CA10: variants seen among roughly 807,000 people sequenced by gnomAD.
The protein encoded by CA10 is carbonic anhydrase-related protein 10.
A neutral mutation model predicts 44.2 loss-of-function variants in CA10; 14 were observed. The observed-to-expected ratio is 0.32, with a 90% CI of 0.21 to 0.50. CA10 has a LOEUF of 0.50. Ranked by LOEUF, CA10 falls within the 20% of genes least tolerant of loss-of-function variation. The pLI is 0.99. For synonymous variants in CA10, 159 were observed against 141.6 expected (o/e 1.12, Z -0.87); for missense variants, 350 against 409.7 (o/e 0.85, Z 1.26).
intron 2 of CA10, among the ~76,000 whole-genome samples, chr17:51,956,169 A>G (rs1983658863): frequency 1.4e-4 from 1 of 6,934 alleles, no homozygotes. Context: ...CATTTGATTC[A>G]GATTTTTTTT....
At chr17:51,902,378 T>A (rs562085332) in intron 3 of CA10, among the ~76,000 whole-genome samples, 2 of 152,210 alleles carry the variant, frequency 1.3e-5, no homozygotes, top group African/African-American at 4.8e-5. Context: ...TCAGGTGTCA[T>A]GATGATTTAT....
chr17:51,780,744 T>C (rs1260590912), intron 3 of CA10, among the ~76,000 whole-genome samples: 2 of 152,164 alleles, frequency 1.3e-5, no homozygotes, highest in African/African-American at 4.8e-5. Flanking sequence ...AAAAGTCAAA[T>C]CTTATTATGT....
Position 51,971,569 on chromosome 17 carries a change from C to G in CA10, c.137-40437G>C, listed in dbSNP as rs562215337. ...AAAATTATTACTTGCTTAATCAGGA[C>G]TTGTGCTATTTCAGATAACATTAAT... On this transcript the variant is annotated intron_variant, in intron 2 of 8. Transcript: ENST00000451037. 1.0e-4 allele frequency among the ~76,000 whole-genome samples: 15 copies of G among 149,232 alleles called. No homozygotes were observed. The South Asian group carries it at 3.0e-3, about 30-fold the overall frequency.
rs115790152 is a variant in CA10, at chr17:51,697,333, A to G, written c.466-43597T>C. On this transcript the variant is annotated intron_variant, in intron 4 of 8. Transcript: ENST00000451037. ...CCCTACAGCACATTTCTTTCCAGCT[A>G]CCTTAGTTTCTTAGTCATTCCTCAA... Among the ~76,000 whole-genome samples, 763 of 152,252 alleles carry G rather than the reference A, an allele frequency of 5.0e-3. 10 individuals are homozygous for G. The highest frequency in any genetic ancestry group is 0.017 in the African/African-American group (723 of 41,548).
chr17:52,122,626 T>C (rs1461372726), intron 1 of CA10, among the ~76,000 whole-genome samples: 1 of 152,212 alleles, frequency 6.6e-6, no homozygotes, highest in Non-Finnish European at 1.5e-5. Context: ...ACAAGTATTG[T>C]CTTCTGATAT....
chr17:52,129,025 A>C (rs1246368487), intron 1 of CA10, among the ~76,000 whole-genome samples: 1 of 152,124 alleles, frequency 6.6e-6, no homozygotes, highest in African/African-American at 2.4e-5. Flanking sequence ...AACATATAAC[A>C]AACACTGTAA....
chr17:51,631,446 T>G lies in CA10; in HGVS notation c.*138A>C. 2 of 820,838 alleles carry G rather than the reference T, an allele frequency of 2.4e-6. No homozygotes were observed. The highest frequency in any genetic ancestry group is 4.2e-6 in the Non-Finnish European group (2 of 480,418). The allele number at this position is 820,838 out of a possible 1,614,324, so 50.8% of individuals were successfully genotyped here. ...GCCATGGTTTTGCAGACACTTTTCATGAAGAAAGGGCCAATCCCAAGAATG... is the reference window on the plus strand; with the variant it reads ...GCCATGGTTTTGCAGACACTTTTCAGGAAGAAAGGGCCAATCCCAAGAATG... On this transcript the variant is annotated 3_prime_UTR_variant, in exon 9 of 9. Coordinates refer to ENST00000451037, the MANE Select transcript of CA10 (RefSeq NM_020178.5).
At chr17:52,055,943 T>C (rs988853766) in intron 2 of CA10, among the ~76,000 whole-genome samples, 3 of 152,064 alleles carry the variant, frequency 2.0e-5, no homozygotes, top group African/African-American at 7.2e-5. Flanking sequence ...GGTGATCACA[T>C]GGGGAGGTAA....
chr17:51,982,774 C>CT (rs974063872), intron 2 of CA10, among the ~76,000 whole-genome samples: 2 of 151,754 alleles, frequency 1.3e-5, no homozygotes, highest in African/African-American at 4.8e-5. Context: ...GCTCATGTCT[C>CT]TTTTTTACAG....
chr17:51,910,666 C>A (rs993386323), intron 3 of CA10, among the ~76,000 whole-genome samples: 5 of 152,068 alleles, frequency 3.3e-5, no homozygotes, highest in Admixed American at 3.3e-4. Flanking sequence ...CGTAGTTACG[C>A]CGTTCTTGCA....
chr17:51,719,958 G>T (rs1015925200), intron 4 of CA10, among the ~76,000 whole-genome samples: 1 of 152,142 alleles, frequency 6.6e-6, no homozygotes, highest in African/African-American at 2.4e-5. Context: ...ATCCAGATAG[G>T]CTGGAGTTTG....
chr17:51,787,842 G>A (rs111697282), intron 3 of CA10, among the ~76,000 whole-genome samples: 2,403 of 151,956 alleles, frequency 0.016, 78 homozygotes, highest in African/African-American at 0.055. Context: ...GATTTTATTC[G>A]GATTTTCTTT....
At chr17:52,030,628 G>A (rs187348370) in intron 2 of CA10, among the ~76,000 whole-genome samples, 39 of 152,222 alleles carry the variant, frequency 2.6e-4, no homozygotes, top group Non-Finnish European at 5.3e-4. Context: ...GTCTGTGAGG[G>A]GTTTTTCCAA....
intron 3 of CA10, among the ~76,000 whole-genome samples, chr17:51,834,879 C>A (rs1333607607): frequency 6.6e-6 from 1 of 152,172 alleles, no homozygotes; most frequent in African/African-American, 2.4e-5. Context: ...CAAAAGCAGA[C>A]TTTATTGGGC....
At chr17:51,838,081 G>T (rs569707365) in intron 3 of CA10, among the ~76,000 whole-genome samples, 304 of 152,226 alleles carry the variant, frequency 2.0e-3, no homozygotes, top group African/African-American at 7.1e-3. Context: ...GGTGGTGCAG[G>T]TATTATGATC....
chr17:52,013,546 C>G (rs1985874430), intron 2 of CA10, among the ~76,000 whole-genome samples: 1 of 151,818 alleles, frequency 6.6e-6, no homozygotes, highest in Non-Finnish European at 1.5e-5. Context: ...TAGAATTCAA[C>G]ACACAGAAAC....
chr17:51,705,034 C>A (rs1208417665), intron 4 of CA10, among the ~76,000 whole-genome samples: 1 of 151,666 alleles, frequency 6.6e-6, no homozygotes, highest in African/African-American at 2.4e-5. Flanking sequence ...TTCATCCCTG[C>A]AGTGGTGGAT....
chr17:51,842,621 G>A (rs1262367955), intron 3 of CA10, among the ~76,000 whole-genome samples: 2 of 152,124 alleles, frequency 1.3e-5, no homozygotes, highest in African/African-American at 4.8e-5. Flanking sequence ...TAAAAGATAA[G>A]GCATCGTTGG....
chr17:52,085,461 G>C (rs1988092764), intron 1 of CA10, among the ~76,000 whole-genome samples: 1 of 152,130 alleles, frequency 6.6e-6, no homozygotes, highest in South Asian at 2.1e-4. Context: ...TATTTACACA[G>C]CCAGGTCCAA....
Sources: allele counts gnomAD v4.1 joint callset (sites outside exome capture counted in the v4.1 genomes callset), GRCh38; gene constraint gnomAD v4.1.1; transcripts MANE v1.5; gene names NCBI Gene and HGNC (gene_info 2026-07-23, HGNC 2026-07-21).